The following TMC5 variants were observed in gnomAD, a reference collection of about 807,000 sequenced individuals.
The protein encoded by TMC5 is transmembrane channel-like protein 5.
Under a neutral mutation model 110.5 loss-of-function variants are expected in TMC5, and 86 were observed. The observed-to-expected ratio is 0.78, with a 90% CI of 0.65 to 0.93. The LOEUF (loss-of-function observed/expected upper bound fraction) is 0.93, where lower values mean the gene tolerates loss of function less well. TMC5 is among the 40% of genes least tolerant of loss of function. The probability of loss-of-function intolerance (pLI) is 0.00; values close to 1 mark genes in which losing one functional copy is unlikely to be tolerated. For missense variants in TMC5, 1,144 were observed against 1,222.8 expected (o/e 0.94, Z 0.96); for synonymous variants, 455 against 439.5 (o/e 1.04, Z -0.44).
chr16:19,491,533 ATT>A (rs71275925), intron 18 of TMC5, among the ~76,000 whole-genome samples: 80 of 117,806 alleles, frequency 6.8e-4, no homozygotes, highest in Middle Eastern at 4.4e-3. Flanking sequence ...TGTCTTAGGG[ATT>A]TTTTTTTTTT....
chr16:19,419,546 G>A (rs972287215), intron 1 of TMC5, among the ~76,000 whole-genome samples: 3 of 151,438 alleles, frequency 2.0e-5, no homozygotes, highest in African/African-American at 7.3e-5. Flanking sequence ...CGGAGTAGCT[G>A]GGACTACGGG....
chr16:19,466,331 A>G, intron 9 of TMC5, 98 bp downstream of exon 9: 2 of 1,261,552 alleles, frequency 1.6e-6, no homozygotes, highest in Non-Finnish European at 2.2e-6. Context: ...GTTTCTCTGC[A>G]GTCCTCTCCT....
intron 13 of TMC5, 90 bp from the exon 14 acceptor site, chr16:19,479,341 G>A (rs966323093): frequency 1.7e-5 from 16 of 963,532 alleles, no homozygotes; most frequent in Non-Finnish European, 2.4e-5. Context: ...CATTAGCTAT[G>A]TCCTGATGGG....
At chr16:19,463,230 A>C (rs771928847) in intron 6 of TMC5, 50 bp from the exon 7 acceptor site, 15 of 1,392,898 alleles carry the variant, frequency 1.1e-5, no homozygotes, top group Non-Finnish European at 1.4e-5. Context: ...TTTTTGAATG[A>C]ATGAGTTGCA....
chr16:19,435,604 C>CACACAT (rs1214625965), intron 2 of TMC5, among the ~76,000 whole-genome samples: 2 of 152,014 alleles, frequency 1.3e-5, no homozygotes, highest in African/African-American at 4.8e-5. Context: ...CACACACACA[C>CACACAT]ATGCCTCCCT....
intron 15 of TMC5, among the ~76,000 whole-genome samples, chr16:19,484,745 T>C (rs548755152): frequency 1.2e-4 from 17 of 139,478 alleles, no homozygotes; most frequent in Admixed American, 5.4e-4. Context: ...AGCCTGGAGA[T>C]AGAACGACAC....
intron 2 of TMC5, among the ~76,000 whole-genome samples, chr16:19,432,642 T>G (rs1004953599): frequency 6.6e-6 from 1 of 152,232 alleles, no homozygotes; most frequent in African/African-American, 2.4e-5. Context: ...TCTGTGGGTT[T>G]AGCTCTTTGT....
At chr16:19,411,140 C>T (rs1315000331) in exon 1 of TMC5, 2 of 152,258 alleles carry the variant, frequency 1.3e-5, no homozygotes, top group Non-Finnish European at 2.9e-5. Flanking sequence ...ATAATCGCAC[C>T]CGTTTCTCAG....
chr16:19,473,377 A>C (rs1291665460), intron 11 of TMC5, among the ~76,000 whole-genome samples: 300 of 145,134 alleles, frequency 2.1e-3, no homozygotes, highest in African/African-American at 7.2e-3. Context: ...AAAAAAAAAA[A>C]AAAACCAGCA....
In TMC5 at chr16:19,498,244, A is replaced by T; in HGVS notation, c.*278A>T. On this transcript the variant is annotated 3_prime_UTR_variant, in exon 22 of 22. Transcript: ENST00000542583. ...TGAGCCTACAAAAACCTAGGAAGAG[A>T]TAACTAGGGAATAATGTATATTATC... The T allele has an allele frequency of 4.5e-6, 2 of 440,116 alleles. No individual in the cohort carries two copies. The highest frequency in any genetic ancestry group is 4.9e-5 in the South Asian group (2 of 40,642). 27.3% of individuals were successfully genotyped at this position (440,116 alleles called of 1,614,324 possible).
At chr16:19,469,905 T>A (rs1968287798) in intron 10 of TMC5, 80 bp downstream of exon 10, 2 of 1,504,922 alleles carry the variant, frequency 1.3e-6, no homozygotes, top group East Asian at 2.3e-5. Context: ...TTTCTTTTTT[T>A]TTTTTTTGAA....
Position 19,430,476 on chromosome 16 carries a change from T to TTATA in TMC5, c.-243_-240dup, listed in dbSNP as rs1967172583. On this transcript the variant is annotated 5_prime_UTR_variant, in exon 2 of 22. An upstream open reading frame in the 5' UTR loses its in-frame stop. Transcript: ENST00000542583. ...TCAGACTTCAGACCAGCATCACAGA[T>TTATA]TATAACCCTCCGTAAATCATCTGCA... The TTATA allele has an allele frequency of 1.3e-5, 2 of 152,506 alleles. No individual in the cohort carries two copies. The highest frequency in any genetic ancestry group is 4.1e-4 in the South Asian group (2 of 4,824). 9.4% of individuals were successfully genotyped at this position (152,506 alleles called of 1,614,324 possible). A position where few individuals can be genotyped will look rare whatever the true frequency, so the allele number is the denominator to read the frequency against.
At chr16:19,421,956 C>T (rs558439829) in intron 1 of TMC5, among the ~76,000 whole-genome samples, 9 of 151,544 alleles carry the variant, frequency 5.9e-5, no homozygotes, top group Admixed American at 3.3e-4. Context: ...GAGGGCCGGG[C>T]GCGGTGGCTC....
chr16:19,480,804 CA>C (rs34237812), intron 14 of TMC5, among the ~76,000 whole-genome samples: 14,369 of 75,248 alleles, frequency 0.19, 855 homozygotes, highest in East Asian at 0.38. Context: ...GACTCCATCT[CA>C]AAAAAAAAAA....
Position 19,471,966 on chromosome 16 carries a change from G to T in TMC5, c.1783-122G>T, listed in dbSNP as rs369200783. ...GGTAGAGGCGGGGTTTCACCATGTTGTCCAGGCTGGTCTCAAACTCCTGAC... is the reference window on the plus strand; with the variant it reads ...GGTAGAGGCGGGGTTTCACCATGTTTTCCAGGCTGGTCTCAAACTCCTGAC... On this transcript the variant is annotated intron_variant, in intron 10 of 21. Transcript: ENST00000542583. The T allele has an allele frequency of 6.2e-6, 6 of 967,620 alleles. No homozygotes were observed. In the South Asian group the frequency reaches 7.2e-5, roughly 12 times the overall value. The allele number at this position is 967,620 out of a possible 1,614,324, so 59.9% of individuals were successfully genotyped here. A position where few individuals can be genotyped will look rare whatever the true frequency, so the allele number is the denominator to read the frequency against.
At chr16:19,469,557 A>G (rs1968272829) in intron 9 of TMC5, 124 bp from the exon 10 acceptor site, 3 of 1,226,800 alleles carry the variant, frequency 2.4e-6, no homozygotes, top group Non-Finnish European at 3.4e-6. Context: ...CCAGGCCAAC[A>G]GCTTGGGGCT....
chr16:19,463,588 C>CA (rs1471018323), intron 7 of TMC5, among the ~76,000 whole-genome samples, 188 bp from the exon 8 acceptor site: 1 of 152,200 alleles, frequency 6.6e-6, no homozygotes, highest in Non-Finnish European at 1.5e-5. Flanking sequence ...GCACCTTCAA[C>CA]AGCAAACCTG....
chr16:19,449,422 GA>G (rs1967696790), intron 4 of TMC5, 119 bp from the exon 5 acceptor site: 1 of 812,400 alleles, frequency 1.2e-6, no homozygotes. Context: ...GAACCTCAAA[GA>G]CCAGGTCTCA....
intron 7 of TMC5, 75 bp downstream of exon 7, chr16:19,463,442 G>T (rs1968080596): frequency 8.0e-7 from 1 of 1,253,842 alleles, no homozygotes; most frequent in East Asian, 2.3e-5. Context: ...GGGGACTCAG[G>T]GGGAAGATGA....
Sources: allele counts gnomAD v4.1 joint callset (sites outside exome capture counted in the v4.1 genomes callset), GRCh38; gene constraint gnomAD v4.1.1; transcripts MANE v1.5; gene names NCBI Gene and HGNC (gene_info 2026-07-23, HGNC 2026-07-21).